The following PTPRN2 variants were observed in gnomAD, a reference collection of about 807,000 sequenced individuals.
The protein encoded by PTPRN2 is protein tyrosine phosphatase receptor type N2.
PTPRN2 carries 74 observed loss-of-function variants against 118.8 expected under a neutral mutation model. That is an observed-to-expected ratio of 0.62 (90% CI 0.52 to 0.76). The LOEUF (loss-of-function observed/expected upper bound fraction) is 0.76. PTPRN2 is among the 30% of genes least tolerant of loss of function. The pLI, the probability that PTPRN2 is intolerant of heterozygous loss-of-function variation, is 0.00. For missense variants in PTPRN2, 1,481 were observed against 1,394.4 expected, an observed-to-expected ratio of 1.06 and a Z score of -0.99; for synonymous variants, 641 against 608.0, an observed-to-expected ratio of 1.05 and a Z score of -0.80.
In PTPRN2 at chr7:157,583,790, G is replaced by A. The variant is rs1407664986; in HGVS notation, c.2497-5650C>T. Among the ~76,000 whole-genome samples, 1 of 152,174 alleles carries A rather than the reference G, an allele frequency of 6.6e-6. No homozygotes were observed. The highest frequency in any genetic ancestry group is 1.5e-5 in the Non-Finnish European group (1 of 68,034). On this transcript the variant is annotated intron_variant, in intron 17 of 22. Coordinates refer to ENST00000389418, the MANE Select transcript of PTPRN2 (RefSeq NM_002847.5). This position sits in a 1 kb window ranked among gnomAD's most constrained non-coding sequence, Gnocchi z 5.5. ...CCAGCTACTCAGGAGGCTGAGGCAGGAGAACTGCTTGTGCCTGGAAGGCAG... is the reference window on the plus strand; with the variant it reads ...CCAGCTACTCAGGAGGCTGAGGCAGAAGAACTGCTTGTGCCTGGAAGGCAG...
chr7:157,806,858 A>G (rs1422396076), intron 12 of PTPRN2, among the ~76,000 whole-genome samples: 3 of 152,234 alleles, frequency 2.0e-5, no homozygotes, highest in African/African-American at 7.2e-5. Flanking sequence ...GCATGGGCCC[A>G]GCTTCCCGCT....
intron 5 of PTPRN2, among the ~76,000 whole-genome samples, chr7:158,185,306 C>G (rs1825047064): frequency 6.6e-6 from 1 of 152,116 alleles, no homozygotes; most frequent in Non-Finnish European, 1.5e-5. Context: ...ATAACATACT[C>G]AAAAAGAATG....
chr7:157,685,231 C>T (rs1255846510), intron 12 of PTPRN2, among the ~76,000 whole-genome samples: 2 of 151,952 alleles, frequency 1.3e-5, no homozygotes, highest in African/African-American at 2.4e-5. Context: ...GCGCCTCCAT[C>T]CGCCCCAGCG....
At position 157,943,201 on chromosome 7, in the gene PTPRN2, G is replaced by A. The variant is rs181914941; in HGVS notation, c.1724-44464C>T. 3.3e-5 allele frequency among the ~76,000 whole-genome samples: 5 copies of A among 152,246 alleles called. 1 individual carries two copies. The South Asian group carries it at 6.2e-4, about 19-fold the overall frequency. Reference sequence around the variant, plus strand: ...CCACTAGCCTCGAAGCCGCATCCTCGCACATCTCACAGCCTGGGGAAGCGA... The same window carrying A: ...CCACTAGCCTCGAAGCCGCATCCTCACACATCTCACAGCCTGGGGAAGCGA... On this transcript the variant is annotated intron_variant, in intron 11 of 22. Coordinates refer to ENST00000389418, the MANE Select transcript of PTPRN2 (RefSeq NM_002847.5).
chr7:157,660,619 C>A (rs1795838987), intron 13 of PTPRN2, among the ~76,000 whole-genome samples: 1 of 152,116 alleles, frequency 6.6e-6, no homozygotes, highest in Non-Finnish European at 1.5e-5. Context: ...ATGGAGGCAG[C>A]TACAGAGAAA....
intron 6 of PTPRN2, among the ~76,000 whole-genome samples, chr7:158,149,273 A>C (rs1002933489): frequency 6.6e-6 from 1 of 152,120 alleles, no homozygotes; most frequent in East Asian, 1.9e-4. Context: ...TCCAACCAAA[A>C]GACCTCCAAA....
chr7:157,742,950 G>C (rs186257770), intron 12 of PTPRN2, among the ~76,000 whole-genome samples: 1 of 152,164 alleles, frequency 6.6e-6, no homozygotes, highest in African/African-American at 2.4e-5. Context: ...AAAATGCTTC[G>C]GTATTGCATG....
At chr7:157,663,179 C>G (rs1433513735) in intron 13 of PTPRN2, among the ~76,000 whole-genome samples, 1 of 152,106 alleles carries the variant, frequency 6.6e-6, no homozygotes, top group Non-Finnish European at 1.5e-5. Context: ...ATCGGCGACT[C>G]CCTGCAGGTA....
intron 13 of PTPRN2, among the ~76,000 whole-genome samples, chr7:157,659,985 T>C (rs919458716): frequency 7.2e-5 from 11 of 152,132 alleles, no homozygotes; most frequent in African/African-American, 2.4e-4. Context: ...CCTGAGGTGA[T>C]CCACCCAATG....
chr7:157,941,480 C>T (rs1248218728), intron 11 of PTPRN2, among the ~76,000 whole-genome samples: 1 of 149,654 alleles, frequency 6.7e-6, no homozygotes, highest in Non-Finnish European at 1.5e-5. Flanking sequence ...ACCCCCTCCC[C>T]CCTCCGTGAC....
intron 21 of PTPRN2, among the ~76,000 whole-genome samples, chr7:157,558,912 C>A (rs1799037645): frequency 6.6e-6 from 1 of 152,218 alleles, no homozygotes; most frequent in Non-Finnish European, 1.5e-5. Flanking sequence ...AACACAGAGA[C>A]CTTGTCCCAT....
At chr7:158,554,616 T>C (rs962463928) in intron 1 of PTPRN2, among the ~76,000 whole-genome samples, 5 of 152,210 alleles carry the variant, frequency 3.3e-5, no homozygotes, top group African/African-American at 1.2e-4. Context: ...TTAAGGAATA[T>C]TTGAGATTTG....
At chr7:158,248,982 A>G (rs1796457596) in intron 3 of PTPRN2, among the ~76,000 whole-genome samples, 1 of 151,598 alleles carries the variant, frequency 6.6e-6, no homozygotes, top group African/African-American at 2.4e-5. Context: ...TGCACACCAC[A>G]CATATGCACA....
chr7:157,747,798 C>T (rs1445149280), intron 12 of PTPRN2, among the ~76,000 whole-genome samples: 1 of 102,376 alleles, frequency 9.8e-6, no homozygotes, highest in African/African-American at 4.0e-5. Context: ...GAGCTGTGGG[C>T]TGTTGAGGTG....
At chr7:157,782,587 G>C (rs926972123) in intron 12 of PTPRN2, among the ~76,000 whole-genome samples, 1 of 152,220 alleles carries the variant, frequency 6.6e-6, no homozygotes, top group African/African-American at 2.4e-5. Flanking sequence ...ACCTGAGAGA[G>C]AGGAGCCATC....
chr7:158,501,997 G>A (rs1378170736), intron 1 of PTPRN2, among the ~76,000 whole-genome samples: 1 of 152,138 alleles, frequency 6.6e-6, no homozygotes, highest in East Asian at 1.9e-4. Flanking sequence ...TGAACACAAA[G>A]CCTCAGGAGT....
chr7:158,471,850 G>C lies in PTPRN2; in HGVS notation c.163+17885C>G, dbSNP rs552576162. Among the ~76,000 whole-genome samples, 7 of 152,378 alleles carry C rather than the reference G, an allele frequency of 4.6e-5. No homozygotes were observed. In the East Asian group the frequency reaches 1.2e-3, roughly 25 times the overall value. On this transcript the variant is annotated intron_variant, in intron 2 of 22. Transcript: ENST00000389418. The stretch of plus-strand genomic sequence containing the variant: ...ACAATTGGCGGGCGCCCCGGCCCCA[G>C]GGCCCCTCTCAGGCTGGGTGCGTGT...
At position 158,353,142 on chromosome 7, in the gene PTPRN2, C is replaced by G. The variant is rs1468897087; in HGVS notation, c.164-36210G>C. On this transcript the variant is annotated intron_variant, in intron 2 of 22. Transcript: ENST00000389418. ...TAAGAAAACTGAGGTCCTCCACAGC[C>G]GTGCTGCCCACTGGGAGCACCCCCT... Among the ~76,000 whole-genome samples the G allele has an allele frequency of 2.0e-5, 3 of 152,242 alleles. No homozygotes were observed. The East Asian group carries it at 5.8e-4, about 29-fold the overall frequency.
chr7:158,504,707 G>A (rs1822619845), intron 1 of PTPRN2, among the ~76,000 whole-genome samples: 1 of 152,164 alleles, frequency 6.6e-6, no homozygotes, highest in African/African-American at 2.4e-5. Flanking sequence ...CCTGTCCTTA[G>A]TATTTCTCAT....
Sources: allele counts gnomAD v4.1 joint callset (sites outside exome capture counted in the v4.1 genomes callset), GRCh38; gene constraint gnomAD v4.1.1; non-coding constraint Gnocchi (gnomAD v3.1); transcripts MANE v1.5; gene names NCBI Gene and HGNC (gene_info 2026-07-23, HGNC 2026-07-21).